Variants in CHST9 observed in about 807,000 individuals in gnomAD.
The protein encoded by CHST9 is GalNAc-4-sulfotransferase 2.
CHST9 carries 41 observed loss-of-function variants against 44.4 expected under a neutral mutation model. The observed-to-expected ratio is 0.92, with a 90% CI of 0.72 to 1.20. CHST9 has a LOEUF of 1.20. Among genes scored for constraint, CHST9 ranks in the 50% most tolerant of loss-of-function variants. The pLI is 0.00. For synonymous variants in CHST9, 171 were observed against 178.4 expected (o/e 0.96, Z 0.33); for missense variants, 504 against 516.5 (o/e 0.98, Z 0.23).
chr18:26,957,566 C>CA (rs200839830), intron 4 of CHST9, among the ~76,000 whole-genome samples: 75,934 of 141,536 alleles, frequency 0.54, 20,196 homozygotes, highest in East Asian at 0.71. Context: ...AACTACACTG[C>CA]AAAAAAAAAA....
intron 4 of CHST9, among the ~76,000 whole-genome samples, chr18:26,967,834 A>G (rs2056486821): frequency 6.6e-6 from 1 of 152,222 alleles, no homozygotes; most frequent in South Asian, 2.1e-4. Flanking sequence ...ATCAGCTGCC[A>G]GTGCGGCCAG....
rs182429803 is a variant in CHST9 at position 26,916,949 on chromosome 18, G to C, written c.642C>G (p.Ile214Met). 120 of 1,613,722 alleles carry C rather than the reference G, an allele frequency of 7.4e-5. No homozygotes were observed. In the Admixed American group the frequency reaches 1.4e-3, roughly 19 times the overall value. ...CAGCCTTAGGTACCTCACAATATAA[G>C]ATTTTGTGTTTATCTTCTACATAGA... ...SRIYVEDKHK[I>M]LYCEVPKAGC... Residue 214 changes from isoleucine (I) to methionine (M), a missense_variant, in exon 6 of 6, where the codon ATC becomes ATG. Physicochemically the swap from Ile to Met is conservative, Grantham distance 10 (BLOSUM62 1). Coordinates refer to ENST00000618847, the MANE Select transcript of CHST9 (RefSeq NM_031422.6).
intron 4 of CHST9, among the ~76,000 whole-genome samples, chr18:27,014,664 A>G (rs1357418574): frequency 6.6e-6 from 1 of 152,014 alleles, no homozygotes; most frequent in Non-Finnish European, 1.5e-5. Context: ...TATATAAGAA[A>G]TAAAGTCCAC....
chr18:26,957,679 C>A (rs560229857), intron 4 of CHST9, among the ~76,000 whole-genome samples: 3 of 151,976 alleles, frequency 2.0e-5, no homozygotes, highest in Admixed American at 2.0e-4. Flanking sequence ...AGAGAATCTT[C>A]TTCTGGAGTT....
At chr18:27,041,382 C>T (rs1188245418) in intron 3 of CHST9, among the ~76,000 whole-genome samples, 1 of 152,142 alleles carries the variant, frequency 6.6e-6, no homozygotes, top group Non-Finnish European at 1.5e-5. Flanking sequence ...GAAACACATA[C>T]ATGTTGTTTG....
intron 4 of CHST9, among the ~76,000 whole-genome samples, chr18:27,004,477 AC>A (rs1349306874): frequency 1.3e-5 from 2 of 152,114 alleles, no homozygotes; most frequent in Non-Finnish European, 2.9e-5. Context: ...TTTTTCTCTA[AC>A]CCATTTGGCA....
chr18:27,175,836 T>A (rs1012422208), intron 1 of CHST9, among the ~76,000 whole-genome samples: 1 of 152,046 alleles, frequency 6.6e-6, no homozygotes, highest in South Asian at 2.1e-4. Context: ...AGCGGTTAAT[T>A]AAATAATTAT....
chr18:27,114,766 A>G (rs1598734781), intron 2 of CHST9, among the ~76,000 whole-genome samples: 1 of 152,172 alleles, frequency 6.6e-6, no homozygotes, highest in South Asian at 2.1e-4. Context: ...TCAATGTTGT[A>G]GCATCTATCA....
At chr18:27,155,019 T>C (rs1412136138) in intron 1 of CHST9, among the ~76,000 whole-genome samples, 1 of 149,336 alleles carries the variant, frequency 6.7e-6, no homozygotes, top group African/African-American at 2.5e-5. Context: ...GAGGTGGAGG[T>C]TGCAGTGAGC....
intron 3 of CHST9, among the ~76,000 whole-genome samples, chr18:27,028,354 C>G (rs924080752): frequency 2.6e-5 from 4 of 152,182 alleles, no homozygotes; most frequent in Non-Finnish European, 5.9e-5. Context: ...ACTAGCAAAA[C>G]TGGCACAGCA....
intron 5 of CHST9, 79 bp from the exon 6 acceptor site, chr18:26,917,429 G>T: frequency 6.8e-7 from 1 of 1,463,074 alleles, no homozygotes; most frequent in Non-Finnish European, 9.1e-7. Context: ...TCACATATTT[G>T]TTTTAAAATA....
intron 5 of CHST9, among the ~76,000 whole-genome samples, chr18:26,930,190 T>C (rs915092551): frequency 1.3e-5 from 2 of 152,238 alleles, no homozygotes; most frequent in Non-Finnish European, 2.9e-5. Flanking sequence ...GCTCACACTC[T>C]GGTGCTACCA....
chr18:27,132,225 A>G (rs1358440243), intron 2 of CHST9, among the ~76,000 whole-genome samples: 1 of 152,260 alleles, frequency 6.6e-6, no homozygotes, highest in African/African-American at 2.4e-5. Flanking sequence ...AAGAGACTTT[A>G]AAAGGTTATC....
chr18:27,048,677 C>T (rs944940678), intron 2 of CHST9, among the ~76,000 whole-genome samples, 174 bp from the exon 3 acceptor site: 1 of 152,092 alleles, frequency 6.6e-6, no homozygotes, highest in Non-Finnish European at 1.5e-5. Context: ...GCTTACAAAC[C>T]AATTTATGAA....
intron 5 of CHST9, among the ~76,000 whole-genome samples, chr18:26,938,235 G>A (rs866064220): frequency 6.6e-6 from 1 of 151,976 alleles, no homozygotes. Flanking sequence ...CCAGCACTTC[G>A]ACATTTACAC....
At position 27,158,838 on chromosome 18, in the gene CHST9, C is replaced by T. The variant is rs563326238; in HGVS notation, c.-96-15933G>A. Reference sequence around the variant, plus strand: ...GGTATCTCATTGTGGTTTTGATTTGCATTTCTCTGATGGCCAGTGATGATG... The same window carrying T: ...GGTATCTCATTGTGGTTTTGATTTGTATTTCTCTGATGGCCAGTGATGATG... On this transcript the variant is annotated intron_variant, in intron 1 of 5. Transcript: ENST00000618847. 3.0e-4 allele frequency among the ~76,000 whole-genome samples: 46 copies of T among 152,116 alleles called. No individual in the cohort carries two copies. In the East Asian group the frequency reaches 9.1e-3, roughly 30 times the overall value.
chr18:27,022,351 TG>T (rs2057236708), intron 4 of CHST9, among the ~76,000 whole-genome samples: 1 of 152,168 alleles, frequency 6.6e-6, no homozygotes, highest in Non-Finnish European at 1.5e-5. Flanking sequence ...CCTTTTCTCC[TG>T]TCTCAGGAAG....
At chr18:27,001,619 G>A (rs1272818587) in intron 4 of CHST9, among the ~76,000 whole-genome samples, 21 of 147,500 alleles carry the variant, frequency 1.4e-4, no homozygotes, top group Admixed American at 1.3e-3. Context: ...TGGAGTAAAG[G>A]CATTATTAAA....
intron 4 of CHST9, among the ~76,000 whole-genome samples, chr18:27,016,747 C>T (rs751406692): frequency 3.3e-5 from 5 of 152,090 alleles, no homozygotes; most frequent in Non-Finnish European, 7.4e-5. Flanking sequence ...ACATCAATCT[C>T]TCTTTCTATA....
Sources: allele counts gnomAD v4.1 joint callset (sites outside exome capture counted in the v4.1 genomes callset), GRCh38; gene constraint gnomAD v4.1.1; transcripts MANE v1.5; gene names NCBI Gene and HGNC (gene_info 2026-07-23, HGNC 2026-07-21).